The following ATXN7 variants were observed in gnomAD, a reference collection of about 807,000 sequenced individuals.
ATXN7 encodes ataxin-7.
A neutral mutation model predicts 70.5 loss-of-function variants in ATXN7; 12 were observed. That is an observed-to-expected ratio of 0.17 (90% CI 0.11 to 0.28). ATXN7 has a LOEUF of 0.28. Among genes scored for constraint, ATXN7 ranks in the 10% least tolerant of loss-of-function variants. ATXN7 has a pLI of 1.00. For missense variants in ATXN7, 1,256 were observed against 1,131.7 expected, an observed-to-expected ratio of 1.11 and a Z score of -1.58; for synonymous variants, 498 against 448.7, an observed-to-expected ratio of 1.11 and a Z score of -1.39.
At chr3:63,987,731 T>TAA (rs2075601318) in intron 8 of ATXN7, among the ~76,000 whole-genome samples, 1 of 152,146 alleles carries the variant, frequency 6.6e-6, no homozygotes, top group African/African-American at 2.4e-5. Flanking sequence ...CAAATTGCTG[T>TAA]TGTGTCACAA....
chr3:63,999,869 C>G lies in ATXN7; in HGVS notation c.*402C>G, dbSNP rs114899708. On this transcript the variant is annotated 3_prime_UTR_variant, in exon 13 of 13. Transcript: ENST00000674280. ...TACTGTAGACCTTTCTCCCTCCTTC[C>G]TTTTACTACCATTTTTTTTTAACAC... The G allele has an allele frequency of 1.9e-3, 538 of 282,014 alleles. 3 individuals are homozygous for G. Among genetic ancestry groups the G allele is most frequent in the African/African-American group, 0.011 (511 of 46,312 alleles). 17.5% of individuals were successfully genotyped at this position (282,014 alleles called of 1,614,324 possible).
chr3:63,949,199 T>C (rs2106647275), intron 4 of ATXN7, among the ~76,000 whole-genome samples: 1 of 152,054 alleles, frequency 6.6e-6, no homozygotes, highest in South Asian at 2.1e-4. Flanking sequence ...TTCCACACTC[T>C]GTTCCTGTTG....
intron 7 of ATXN7, 37 bp downstream of exon 7, chr3:63,982,482 A>C (rs75878523): frequency 1.3e-6 from 2 of 1,511,042 alleles, no homozygotes; most frequent in Admixed American, 3.7e-5. Flanking sequence ...ATGCTTCTCT[A>C]TATATTAAAT....
At position 63,952,835 on chromosome 3, in the gene ATXN7, C is replaced by CTTTTTTTTTTT. The variant is rs59256288; in HGVS notation, c.499+373_499+383dup. Among the ~76,000 whole-genome samples the CTTTTTTTTTTT allele has an allele frequency of 9.6e-4, 47 of 49,162 alleles. 11 individuals are homozygous for CTTTTTTTTTTT. The highest frequency in any genetic ancestry group is 2.3e-3 in the African/African-American group (23 of 9,806). 32.3% of individuals were successfully genotyped at this position (49,162 alleles called of 152,430 possible). The stretch of plus-strand genomic sequence containing the variant: ...ACACTCACAATATGGATGCATGGGC[C>CTTTTTTTTTTT]TTTTTTTTTTTTTTTTTTTTTTTTT... On this transcript the variant is annotated intron_variant, in intron 5 of 12. Coordinates refer to ENST00000674280, the MANE Select transcript of ATXN7 (RefSeq NM_001377405.1).
intron 5 of ATXN7, among the ~76,000 whole-genome samples, chr3:63,975,680 C>T (rs1289937635): frequency 6.6e-6 from 1 of 152,152 alleles, no homozygotes; most frequent in Admixed American, 6.5e-5. Flanking sequence ...TTAAAAAAAT[C>T]TCAGCGTGAA....
intron 2 of ATXN7, chr3:63,902,346 G>A (rs1339142016): frequency 2.0e-5 from 3 of 152,100 alleles, no homozygotes; most frequent in Non-Finnish European, 4.4e-5. Context: ...GAGGTTGAGG[G>A]TGCAGTGAGC....
At chr3:63,891,996 C>T (rs1341726299) in intron 1 of ATXN7, among the ~76,000 whole-genome samples, 2 of 152,176 alleles carry the variant, frequency 1.3e-5, no homozygotes, top group African/African-American at 2.4e-5. Context: ...TTATCTGTTA[C>T]AGACCTGCAT....
intron 5 of ATXN7, among the ~76,000 whole-genome samples, chr3:63,970,850 A>G (rs778138166): frequency 1.3e-5 from 2 of 152,156 alleles, no homozygotes; most frequent in African/African-American, 4.8e-5. Flanking sequence ...CTCTGCCCAG[A>G]GACGTGGAAA....
chr3:63,986,221 G>A (rs890807791), intron 8 of ATXN7, among the ~76,000 whole-genome samples: 2 of 152,196 alleles, frequency 1.3e-5, no homozygotes, highest in African/African-American at 2.4e-5. Context: ...GAAGAGGTAC[G>A]CGGGACCAAA....
chr3:63,863,634 G>T, upstream of ATXN7: 1 of 1,206,990 alleles, frequency 8.3e-7, no homozygotes, highest in Non-Finnish European at 1.0e-6. Flanking sequence ...CCGGGGAGAG[G>T]TCGGGAAGGC....
intron 1 of ATXN7, among the ~76,000 whole-genome samples, chr3:63,886,478 A>G (rs1441382197): frequency 6.6e-6 from 1 of 152,228 alleles, no homozygotes; most frequent in Non-Finnish European, 1.5e-5. Context: ...TACATAAAAG[A>G]TCATATTTAC....
chr3:63,989,461 A>G (rs999629484), intron 9 of ATXN7, among the ~76,000 whole-genome samples: 5 of 152,184 alleles, frequency 3.3e-5, no homozygotes, highest in African/African-American at 1.2e-4. Flanking sequence ...AATTACAGTC[A>G]GCCCTCTGTA....
At chr3:63,960,901 T>A (rs1385898622) in intron 5 of ATXN7, among the ~76,000 whole-genome samples, 1 of 152,202 alleles carries the variant, frequency 6.6e-6, no homozygotes, top group Non-Finnish European at 1.5e-5. Context: ...AATCTAGTCA[T>A]ACAAGCCAGG....
chr3:63,995,544 C>T lies in ATXN7; in HGVS notation c.1722C>T (p.Ser574=), dbSNP rs758558935. The change falls in exon 12 of 13, where the codon TCC becomes TCT. Residue 574 remains serine, a synonymous_variant. Transcript: ENST00000674280. ...TGCCCAGTACCACCTCACCCATCTC[C>T]ACACGTATTCCTCACCGGACAAACT... is the stretch of plus-strand genomic sequence containing the variant. ...PPVPSTTSPI[S]TRIPHRTNSV... is the part of the protein sequence containing the mutation. 2 of 1,614,144 alleles carry T rather than the reference C, an allele frequency of 1.2e-6. No individual in the cohort carries two copies. The highest frequency in any genetic ancestry group is 1.3e-5 in the African/African-American group (1 of 75,002).
intron 1 of ATXN7, among the ~76,000 whole-genome samples, chr3:63,866,566 T>A (rs1223050380): frequency 6.6e-6 from 1 of 152,212 alleles, no homozygotes; most frequent in African/African-American, 2.4e-5. Flanking sequence ...TGAAAGTTCT[T>A]GACTCAAGTG....
At chr3:63,926,996 C>T (rs557893247) in intron 4 of ATXN7, among the ~76,000 whole-genome samples, 42 of 152,306 alleles carry the variant, frequency 2.8e-4, no homozygotes, top group Admixed American at 2.5e-3. Flanking sequence ...GACGTGAACT[C>T]ATTCTTTTTA....
intron 5 of ATXN7, among the ~76,000 whole-genome samples, chr3:63,972,794 G>T (rs967502542): frequency 6.6e-6 from 1 of 152,200 alleles, no homozygotes; most frequent in African/African-American, 2.4e-5. Flanking sequence ...GTAAAAATAT[G>T]TATACTAAAT....
chr3:63,956,991 A>G (rs1356993383), intron 5 of ATXN7, among the ~76,000 whole-genome samples: 1 of 152,178 alleles, frequency 6.6e-6, no homozygotes, highest in Non-Finnish European at 1.5e-5. Context: ...TATACTGGCT[A>G]CTGAATAGCA....
chr3:63,983,195 A>ATG (rs1368952786), intron 8 of ATXN7, among the ~76,000 whole-genome samples, 174 bp downstream of exon 8: 1 of 152,218 alleles, frequency 6.6e-6, no homozygotes, highest in Non-Finnish European at 1.5e-5. Context: ...GATTGACAAA[A>ATG]TGTGAAGTGC....
Sources: allele counts gnomAD v4.1 joint callset (sites outside exome capture counted in the v4.1 genomes callset), GRCh38; gene constraint gnomAD v4.1.1; transcripts MANE v1.5; gene names NCBI Gene and HGNC (gene_info 2026-07-23, HGNC 2026-07-21).